BSN: variants seen among roughly 807,000 people sequenced by gnomAD.
The protein encoded by BSN is bassoon presynaptic cytomatrix protein, also known as protein bassoon.
A neutral mutation model predicts 264.8 loss-of-function variants in BSN; 57 were observed. The ratio of observed to expected loss-of-function variants is 0.22; its 90% CI spans 0.17 to 0.27. The LOEUF is 0.27. Among genes scored for constraint, BSN ranks in the 10% least tolerant of loss-of-function variants. The probability of loss-of-function intolerance (pLI) is 1.00; values close to 1 mark genes in which losing one functional copy is unlikely to be tolerated. For synonymous variants in BSN, 2,059 were observed against 2,137.3 expected, an observed-to-expected ratio of 0.96 and a Z score of 1.01; for missense variants, 4,615 against 5,232.5, an observed-to-expected ratio of 0.88 and a Z score of 3.64.
chr3:49,605,872 T>TTATATATATATATAAATATATTTATATC (rs1327516006), intron 1 of BSN, among the ~76,000 whole-genome samples: 2 of 48,140 alleles, frequency 4.2e-5, no homozygotes, highest in Admixed American at 3.5e-4. Flanking sequence ...TTATATCTAT[T>TTATATATATATATAAATATATTTATATC]TATATATAGA....
At chr3:49,581,421 T>C (rs1430339110) in intron 1 of BSN, among the ~76,000 whole-genome samples, 5 of 152,266 alleles carry the variant, frequency 3.3e-5, no homozygotes, top group African/African-American at 1.2e-4. Flanking sequence ...CACATTCATA[T>C]AGCTTTTATT....
chr3:49,652,123 A>G lies in BSN; in HGVS notation c.2567A>G (p.Asn856Ser). 1 of 1,613,788 alleles carries G rather than the reference A, an allele frequency of 6.2e-7. No homozygotes were observed. Among genetic ancestry groups the G allele is most frequent in the Non-Finnish European group, 8.5e-7 (1 of 1,179,772 alleles). Reference sequence around the variant, plus strand: ...CTCGAGATGAGCGCCGAGGAAGACAACCTGGAGGAGGATGACACTGCCACC... The same window carrying G: ...CTCGAGATGAGCGCCGAGGAAGACAGCCTGGAGGAGGATGACACTGCCACC... The part of the protein sequence containing the change: ...QILEMSAEED[N>S]LEEDDTATSG... The change falls in exon 5 of 12, where the codon AAC (asparagine) becomes AGC (serine). Residue 856 changes from asparagine (N) to serine (S), a missense_variant. This residue lies in a region of BSN where 1,197 missense variants were observed against 1,348.0 expected (regional missense o/e 0.89). Coordinates refer to ENST00000296452, the MANE Select transcript of BSN (RefSeq NM_003458.4).
At chr3:49,626,828 GA>G (rs2052343841) in intron 2 of BSN, among the ~76,000 whole-genome samples, 1 of 152,198 alleles carries the variant, frequency 6.6e-6, no homozygotes, top group Admixed American at 6.5e-5. Context: ...GGTGGGTGGG[GA>G]TAAGGAAGAG....
Position 49,657,789 on chromosome 3 carries a change from C to G in BSN, c.8233C>G (p.Pro2745Ala). ...GCCAACTGCCATCAGCCCCTACCTG[C>G]CTGGCATCCAGATCGTCACCCCAGG... ...VGPTAISPYL[P>A]GIQIVTPGPL... is the part of the protein sequence containing the mutation. Residue 2745 changes from proline (P) to alanine (A), a missense_variant, in exon 5 of 12, where the codon CCT becomes GCT. By Grantham distance (27) the Pro-to-Ala change is conservative (BLOSUM62 -1). This residue lies in a region of BSN where 3,415 missense variants were observed against 3,866.4 expected (regional missense o/e 0.88). Transcript: ENST00000296452. 1 of 1,569,576 alleles carries G rather than the reference C, an allele frequency of 6.4e-7. No individual in the cohort carries two copies.
chr3:49,590,110 A>C (rs1374849119), intron 1 of BSN, among the ~76,000 whole-genome samples: 1 of 152,198 alleles, frequency 6.6e-6, no homozygotes, highest in Non-Finnish European at 1.5e-5. Context: ...TGCTGGGATT[A>C]CAGGTGTGAA....
At chr3:49,647,577 G>T (rs530779825) in intron 3 of BSN, among the ~76,000 whole-genome samples, 9 of 152,320 alleles carry the variant, frequency 5.9e-5, no homozygotes, top group Admixed American at 5.2e-4. Flanking sequence ...GTACGAGAGG[G>T]CTGTGCAATG....
At chr3:49,610,303 G>A (rs1200646308) in intron 1 of BSN, among the ~76,000 whole-genome samples, 1 of 152,150 alleles carries the variant, frequency 6.6e-6, no homozygotes, top group African/African-American at 2.4e-5. Context: ...GCAAGGCAAA[G>A]GTAGAGTTCA....
intron 1 of BSN, among the ~76,000 whole-genome samples, chr3:49,568,135 A>G (rs2051768226): frequency 6.6e-6 from 1 of 152,182 alleles, no homozygotes. Context: ...GATCCTGCCT[A>G]GGTTTAAAAG....
At position 49,660,888 on chromosome 3, in the gene BSN, A is replaced by G. The variant is rs1402411280; in HGVS notation, c.9043A>G (p.Ser3015Gly). 6.2e-7 allele frequency: 1 copy of G among 1,613,206 alleles called. No homozygotes were observed. Among genetic ancestry groups the G allele is most frequent in the East Asian group, 2.2e-5 (1 of 44,886 alleles). Reference sequence around the variant, plus strand: ...CGAGCATCGTGACTACCTATCGGACAGTGAGCTCAACCAGCTGCGGCTCCA... The same window carrying G: ...CGAGCATCGTGACTACCTATCGGACGGTGAGCTCAACCAGCTGCGGCTCCA... ...LGEHRDYLSD[S>G]ELNQLRLQGC... Residue 3015 changes from serine to glycine, a missense_variant, in exon 6 of 12, where the codon AGT (serine) becomes GGT (glycine). Physicochemically the swap from Ser to Gly is moderately conservative, Grantham distance 56. Around this residue, in one of 3 missense-constraint regions of BSN, gnomAD observed 3,415 missense variants for 3,866.4 expected, o/e 0.88. Transcript: ENST00000296452. The surrounding 1 kb of genome is among the most constrained non-coding windows in gnomAD (Gnocchi z 7.1).
chr3:49,627,585 C>G (rs997427993), intron 2 of BSN, among the ~76,000 whole-genome samples: 18 of 152,190 alleles, frequency 1.2e-4, no homozygotes, highest in African/African-American at 3.9e-4. Context: ...GCTGTTAGAT[C>G]TGTCCTAGTC....
chr3:49,555,122 G>A (rs1310362975), intron 1 of BSN, among the ~76,000 whole-genome samples: 2 of 152,192 alleles, frequency 1.3e-5, no homozygotes, highest in Non-Finnish European at 2.9e-5. Flanking sequence ...CTCAGGAGGG[G>A]CTTATGTAAC....
At chr3:49,613,356 G>GGCCCAGAGCTCCCA (rs2052227204) in intron 1 of BSN, among the ~76,000 whole-genome samples, 6 of 148,616 alleles carry the variant, frequency 4.0e-5, no homozygotes, top group African/African-American at 1.5e-4. Flanking sequence ...GAGAAGGGCT[G>GGCCCAGAGCTCCCA]GCCCAGAGCT....
At position 49,662,581 on chromosome 3, in the gene BSN, G is replaced by A; in HGVS notation, c.10717+19G>A. On this transcript the variant is annotated intron_variant, in intron 6 of 11. Coordinates refer to ENST00000296452, the MANE Select transcript of BSN (RefSeq NM_003458.4). Reference sequence around the variant, plus strand: ...AGCGAAGGTAATGGCAGCCAGGGGTGATTTCTGCGGATACTCAGCAGCTGG... The same window carrying A: ...AGCGAAGGTAATGGCAGCCAGGGGTAATTTCTGCGGATACTCAGCAGCTGG... 1 of 1,562,370 alleles carries A rather than the reference G, an allele frequency of 6.4e-7. No homozygotes were observed. Among genetic ancestry groups the A allele is most frequent in the South Asian group, 1.2e-5 (1 of 81,988 alleles).
chr3:49,656,716 A>C lies in BSN; in HGVS notation c.7160A>C (p.Gln2387Pro). Residue 2387 changes from glutamine (Q) to proline (P), a missense_variant, in exon 5 of 12, where the codon CAA becomes CCA. By Grantham distance (76) the Gln-to-Pro change is moderately conservative. Around this residue, in one of 3 missense-constraint regions of BSN, gnomAD observed 3,415 missense variants for 3,866.4 expected, o/e 0.88. Transcript: ENST00000296452. The part of the protein sequence containing the change: ...RERVELEKLR[Q>P]LRLQEELERE... ...CGGGTGGAGTTGGAGAAGCTGCGACAACTTCGGCTGCAAGAGGAGCTAGAG... is the reference window on the plus strand; with the variant it reads ...CGGGTGGAGTTGGAGAAGCTGCGACCACTTCGGCTGCAAGAGGAGCTAGAG... 6.3e-7 allele frequency: 1 copy of C among 1,579,716 alleles called. No individual in the cohort carries two copies. The highest frequency in any genetic ancestry group is 8.6e-7 in the Non-Finnish European group (1 of 1,162,272).
chr3:49,620,808 AACTCCG>A (rs2052299668), intron 1 of BSN, among the ~76,000 whole-genome samples: 1 of 152,288 alleles, frequency 6.6e-6, no homozygotes, highest in South Asian at 2.1e-4. Flanking sequence ...AACATGGCGA[AACTCCG>A]ACTCTACTAA....
chr3:49,580,608 A>C (rs1175081875), intron 1 of BSN, among the ~76,000 whole-genome samples: 1 of 151,938 alleles, frequency 6.6e-6, no homozygotes, highest in African/African-American at 2.4e-5. Flanking sequence ...ACAGTCATGC[A>C]CCACCATGTC....
Position 49,642,147 on chromosome 3 carries a change from A to C in BSN, c.634-121A>C. 1.3e-5 allele frequency: 10 copies of C among 756,054 alleles called. 1 individual carries two copies. The South Asian group carries it at 3.1e-4, about 23-fold the overall frequency. 46.8% of individuals were successfully genotyped at this position (756,054 alleles called of 1,614,324 possible). On this transcript the variant is annotated intron_variant, in intron 2 of 11. Coordinates refer to ENST00000296452, the MANE Select transcript of BSN (RefSeq NM_003458.4). This position sits in a 1 kb window ranked among gnomAD's most constrained non-coding sequence, Gnocchi z 7.0. ...CCTGGCAGCCCAGAAATGCCTGAGC[A>C]GGGCTTGGTGCTCCTGCCTGTGCTA...
rs1260424271 is a variant in BSN, at chr3:49,652,645, A to G, written c.3089A>G (p.His1030Arg). The G allele has an allele frequency of 6.2e-7, 1 of 1,608,882 alleles. No homozygotes were observed. Among genetic ancestry groups the G allele is most frequent in the South Asian group, 1.1e-5 (1 of 90,468 alleles). The change falls in exon 5 of 12, where the codon CAC (histidine) becomes CGC (arginine). Residue 1030 changes from histidine (H) to arginine (R), a missense_variant. Transcript: ENST00000296452. ...KQQRKARHRS[H>R]GPLLPTIEDS... ...CAGCGCAAGGCCCGGCACCGCTCCC[A>G]CGGGCCCCTGCTACCCACCATCGAG...
Position 49,661,560 on chromosome 3 carries a change from G to C in BSN, c.9715G>C (p.Glu3239Gln), listed in dbSNP as rs756519701. 1.2e-6 allele frequency: 2 copies of C among 1,614,000 alleles called. No individual in the cohort carries two copies. The highest frequency in any genetic ancestry group is 2.2e-5 in the South Asian group (2 of 91,080). ...RNYVMIDDIS[E>Q]LTKDSTSTAP... ...CTACGTAATGATTGATGACATCAGTGAACTGACCAAGGACAGCACCTCTAC... is the reference window on the plus strand; with the variant it reads ...CTACGTAATGATTGATGACATCAGTCAACTGACCAAGGACAGCACCTCTAC... Residue 3239 changes from glutamate to glutamine, a missense_variant, in exon 6 of 12, where the codon GAA becomes CAA. Coordinates refer to ENST00000296452, the MANE Select transcript of BSN (RefSeq NM_003458.4).
Sources: allele counts gnomAD v4.1 joint callset (sites outside exome capture counted in the v4.1 genomes callset), GRCh38; gene constraint gnomAD v4.1.1; regional missense constraint gnomAD v4.1.1; non-coding constraint Gnocchi (gnomAD v3.1); transcripts MANE v1.5; gene names NCBI Gene and HGNC (gene_info 2026-07-23, HGNC 2026-07-21).